The following DNAH7 variants were observed in gnomAD, a reference collection of about 807,000 sequenced individuals.
DNAH7 encodes axonemal beta dynein heavy chain 7.
Under a neutral mutation model 444.6 loss-of-function variants are expected in DNAH7, and 397 were observed. The observed-to-expected ratio is 0.89, with a 90% CI of 0.82 to 0.97. The LOEUF is 0.97. DNAH7 is among the 50% of genes least tolerant of loss of function. DNAH7 has a pLI of 0.00. For missense variants in DNAH7, 4,902 were observed against 4,800.8 expected (o/e 1.02, Z -0.62); for synonymous variants, 1,636 against 1,624.4 (o/e 1.01, Z -0.17).
intron 61 of DNAH7, among the ~76,000 whole-genome samples, chr2:195,762,716 A>T (rs1347405993): frequency 6.6e-6 from 1 of 152,192 alleles, no homozygotes; most frequent in Non-Finnish European, 1.5e-5. Context: ...ACACTGGAAA[A>T]CCAAGATATA....
chr2:195,738,039 ACTC>A lies in DNAH7; in HGVS notation c.11954_11956del (p.Gly3985del). 6.2e-7 allele frequency: 1 copy of A among 1,613,752 alleles called. No homozygotes were observed. Among genetic ancestry groups the A allele is most frequent in the Non-Finnish European group, 8.5e-7 (1 of 1,179,876 alleles). ...CGTGGAATGGCCAGTGGTGGATAAT[ACTC>A]CTCTCCGCTCACTTGTCTTATACAA... is the stretch of plus-strand genomic sequence containing the variant. On this transcript the variant is annotated inframe_deletion, in exon 65 of 65. Transcript: ENST00000312428.
At chr2:195,743,265 T>A (rs1016132642) in intron 63 of DNAH7, among the ~76,000 whole-genome samples, 19 of 152,254 alleles carry the variant, frequency 1.2e-4, no homozygotes, top group African/African-American at 4.6e-4. Flanking sequence ...GATCCACTAC[T>A]GGCTTCCTTG....
At chr2:195,880,453 T>G (rs959710535) in intron 36 of DNAH7, among the ~76,000 whole-genome samples, 2 of 151,512 alleles carry the variant, frequency 1.3e-5, no homozygotes, top group African/African-American at 4.9e-5. Context: ...CTCAGCCACC[T>G]GAGTAGCTGG....
intron 45 of DNAH7, among the ~76,000 whole-genome samples, chr2:195,854,473 GA>G (rs1699579253): frequency 6.6e-6 from 1 of 152,058 alleles, no homozygotes; most frequent in South Asian, 2.1e-4. Context: ...AGATAGATTT[GA>G]AAAAAGCAAA....
intron 49 of DNAH7, among the ~76,000 whole-genome samples, chr2:195,821,172 A>AAAG (rs201086071): frequency 1.3e-5 from 2 of 151,948 alleles, no homozygotes; most frequent in East Asian, 1.9e-4. Flanking sequence ...AAAAAAAAAA[A>AAAG]AAGAAGAAGA....
intron 5 of DNAH7, among the ~76,000 whole-genome samples, chr2:196,035,858 T>C (rs1157946248): frequency 6.6e-6 from 1 of 152,050 alleles, no homozygotes; most frequent in Non-Finnish European, 1.5e-5. Flanking sequence ...GAGCCTAGTA[T>C]AGGGTGCTGC....
Position 195,872,493 on chromosome 2 carries a change from G to T in DNAH7, c.6414-24C>A, listed in dbSNP as rs12611546. The T allele has an allele frequency of 5.6e-3, 8,378 of 1,490,468 alleles. 184 individuals are homozygous for T. The East Asian group carries it at 0.059, about 10-fold the overall frequency. The allele number at this position is 1,490,468 out of a possible 1,614,324, so 92.3% of individuals were successfully genotyped here. Reference sequence around the variant, plus strand: ...AACTTAAAAATTTTTTAAATAAAAAGAAAGGAAAATGTTAGCAATTATAGA... The same window carrying T: ...AACTTAAAAATTTTTTAAATAAAAATAAAGGAAAATGTTAGCAATTATAGA... On this transcript the variant is annotated intron_variant, in intron 39 of 64. Coordinates refer to ENST00000312428, the MANE Select transcript of DNAH7 (RefSeq NM_018897.3).
intron 10 of DNAH7, among the ~76,000 whole-genome samples, chr2:196,004,038 C>G (rs1694208227): frequency 6.6e-6 from 1 of 152,146 alleles, no homozygotes; most frequent in African/African-American, 2.4e-5. Context: ...TTTAACATGA[C>G]TATTTCTACA....
At chr2:195,871,495 T>G (rs527531079) in intron 40 of DNAH7, among the ~76,000 whole-genome samples, 1 of 152,022 alleles carries the variant, frequency 6.6e-6, no homozygotes, top group African/African-American at 2.4e-5. Context: ...ACATACCTAT[T>G]CCCAAGAGAG....
At chr2:195,829,855 T>C (rs1697973905) in intron 48 of DNAH7, among the ~76,000 whole-genome samples, 2 of 152,042 alleles carry the variant, frequency 1.3e-5, no homozygotes, top group Non-Finnish European at 2.9e-5. Flanking sequence ...TTAATCCTGT[T>C]AGGAAAGATA....
At chr2:195,968,600 C>G (rs1018196783) in intron 17 of DNAH7, among the ~76,000 whole-genome samples, 2 of 152,118 alleles carry the variant, frequency 1.3e-5, no homozygotes, top group Non-Finnish European at 2.9e-5. Context: ...AGAAGCATGG[C>G]ATAAGCACTT....
intron 63 of DNAH7, among the ~76,000 whole-genome samples, chr2:195,753,199 G>A (rs1403635672): frequency 6.6e-6 from 1 of 151,936 alleles, no homozygotes; most frequent in African/African-American, 2.4e-5. Flanking sequence ...AGTCGGTGGT[G>A]CTAAAAGCTC....
chr2:196,054,466 G>A (rs916206883), intron 2 of DNAH7, among the ~76,000 whole-genome samples: 1 of 152,142 alleles, frequency 6.6e-6, no homozygotes, highest in Non-Finnish European at 1.5e-5. Context: ...AGGTTGCCAT[G>A]AGCCAAGACT....
At chr2:195,768,592 G>A (rs1378698069) in intron 61 of DNAH7, among the ~76,000 whole-genome samples, 1 of 151,844 alleles carries the variant, frequency 6.6e-6, no homozygotes, top group Non-Finnish European at 1.5e-5. Context: ...CATTTTTACT[G>A]GTATTACCAA....
At chr2:195,979,375 G>A (rs1162386347) in intron 15 of DNAH7, among the ~76,000 whole-genome samples, 1 of 152,132 alleles carries the variant, frequency 6.6e-6, no homozygotes, top group Non-Finnish European at 1.5e-5. Context: ...TGAATGATCA[G>A]TGAGTCAATG....
chr2:195,948,231 T>C (rs1280098938), intron 19 of DNAH7, among the ~76,000 whole-genome samples: 1 of 151,882 alleles, frequency 6.6e-6, no homozygotes, highest in Non-Finnish European at 1.5e-5. Flanking sequence ...TTTTCTCCCA[T>C]TCTGTAGACT....
chr2:195,778,289 A>G (rs1340493883), intron 58 of DNAH7, among the ~76,000 whole-genome samples: 7 of 152,002 alleles, frequency 4.6e-5, no homozygotes, highest in Non-Finnish European at 8.8e-5. Flanking sequence ...GAATTAGATC[A>G]TAATATCATC....
Position 195,817,695 on chromosome 2 carries a change from C to G in DNAH7, c.9425+1G>C. 6.2e-7 allele frequency: 1 copy of G among 1,601,632 alleles called. No individual in the cohort carries two copies. Among genetic ancestry groups the G allele is most frequent in the Non-Finnish European group, 8.5e-7 (1 of 1,176,742 alleles). ...ATAGTTCTGTTTATGACATTTAAAACCTTTTATTTTCAGCTCCTTGTAATA... is the reference window on the plus strand; with the variant it reads ...ATAGTTCTGTTTATGACATTTAAAAGCTTTTATTTTCAGCTCCTTGTAATA... On this transcript the variant is annotated splice_donor_variant, in intron 50 of 64. Transcript: ENST00000312428. LOFTEE classifies it high-confidence loss of function.
At chr2:195,918,187 G>T (rs1378708512) in intron 24 of DNAH7, among the ~76,000 whole-genome samples, 1 of 152,140 alleles carries the variant, frequency 6.6e-6, no homozygotes, top group Non-Finnish European at 1.5e-5. Context: ...ATAAAAAGAT[G>T]CTCAGCATCA....
Sources: gnomAD v4.1 joint callset for allele counts (sites outside exome capture counted in the v4.1 genomes callset) on GRCh38, gnomAD v4.1.1 for gene constraint, MANE v1.5 for transcripts, NCBI Gene and HGNC (gene_info 2026-07-23, HGNC 2026-07-21) for gene names.